Variants in SMAGP observed in about 807,000 individuals in gnomAD.
SMAGP encodes the protein small cell adhesion glycoprotein.
Under a neutral mutation model 10.1 loss-of-function variants are expected in SMAGP, and 7 were observed. The observed-to-expected ratio is 0.70, with a 90% CI of 0.40 to 1.31. The LOEUF (loss-of-function observed/expected upper bound fraction) is 1.31. Among genes scored for constraint, SMAGP ranks in the 50% most tolerant of loss-of-function variants. SMAGP has a pLI of 0.01. For missense variants in SMAGP, 113 were observed against 116.5 expected (o/e 0.97, Z 0.14); for synonymous variants, 49 against 47.2 (o/e 1.04, Z -0.16).
chr12:51,248,430 ACACACTCTCTCTCTCT>A (rs775723924), intron 2 of SMAGP, among the ~76,000 whole-genome samples: 21,192 of 89,010 alleles, frequency 0.24, 1,654 homozygotes, highest in Middle Eastern at 0.31. Flanking sequence ...ACACACACAC[ACACACTCTCTCTCTCT>A]CTCTCTCTCT....
chr12:51,252,111 C>T (rs1435155849), intron 2 of SMAGP, among the ~76,000 whole-genome samples: 50 of 117,216 alleles, frequency 4.3e-4, no homozygotes, highest in African/African-American at 5.2e-4. Flanking sequence ...TTTTTTTTTT[C>T]CAGACAGAGT....
intron 2 of SMAGP, among the ~76,000 whole-genome samples, chr12:51,264,649 A>AAAC (rs1205738638): frequency 6.7e-6 from 1 of 148,302 alleles, no homozygotes; most frequent in African/African-American, 2.5e-5. Flanking sequence ...AAAAAAAAAA[A>AAAC]GGTCAGGCAC....
At chr12:51,265,436 A>G (rs907511879) in intron 2 of SMAGP, among the ~76,000 whole-genome samples, 1 of 152,220 alleles carries the variant, frequency 6.6e-6, no homozygotes, top group Non-Finnish European at 1.5e-5. Flanking sequence ...TGGCAGCATC[A>G]GTCACAATAG....
chr12:51,256,447 C>T (rs910289063), intron 2 of SMAGP, among the ~76,000 whole-genome samples: 1 of 151,708 alleles, frequency 6.6e-6, no homozygotes, highest in South Asian at 2.1e-4. Flanking sequence ...ACAAGCCGGG[C>T]GCGGTGGCTC....
At position 51,244,820 on chromosome 12, in the gene SMAGP, C is replaced by CTTTTTTTTT. The variant is rs5798164; in HGVS notation, c.*1112_*1120dup. The CTTTTTTTTT allele has an allele frequency of 1.1e-5, 1 of 92,064 alleles. No homozygotes were observed. The highest frequency in any genetic ancestry group is 2.0e-5 in the Non-Finnish European group (1 of 50,372). 5.7% of individuals were successfully genotyped at this position (92,064 alleles called of 1,614,324 possible). A position where few individuals can be genotyped will look rare whatever the true frequency, so the allele number is the denominator to read the frequency against. ...TTGAACCAACTCATCTCCCAGGGTA[C>CTTTTTTTTT]TTTTTTTTTTTTTTTTTTTTTTGAG... On this transcript the variant is annotated 3_prime_UTR_variant, in exon 4 of 4. Coordinates refer to ENST00000603798, the MANE Select transcript of SMAGP (RefSeq NM_001031628.2).
intron 2 of SMAGP, among the ~76,000 whole-genome samples, chr12:51,256,855 T>C (rs1291971833): frequency 6.6e-6 from 1 of 151,722 alleles, no homozygotes; most frequent in Admixed American, 6.6e-5. Flanking sequence ...GACCATAGAC[T>C]GGGTGAGATC....
intron 3 of SMAGP, 23 bp from the exon 4 acceptor site, chr12:51,246,142 TAG>T (rs1193310933): frequency 6.2e-7 from 1 of 1,612,420 alleles, no homozygotes; most frequent in Non-Finnish European, 8.5e-7. Flanking sequence ...AGGGAAAATG[TAG>T]AGATGTTTCA....
chr12:51,256,464 G>A (rs1483465877), intron 2 of SMAGP, among the ~76,000 whole-genome samples: 1 of 152,146 alleles, frequency 6.6e-6, no homozygotes, highest in African/African-American at 2.4e-5. Flanking sequence ...GCTCACGCCA[G>A]TAATCCCAGC....
At chr12:51,260,345 G>C (rs1352192196) in intron 2 of SMAGP, among the ~76,000 whole-genome samples, 1 of 151,060 alleles carries the variant, frequency 6.6e-6, no homozygotes, top group African/African-American at 2.4e-5. Flanking sequence ...GTGTGCACCA[G>C]CACAGCCGGC....
chr12:51,263,825 G>A (rs894275828), intron 2 of SMAGP, among the ~76,000 whole-genome samples: 1 of 152,130 alleles, frequency 6.6e-6, no homozygotes, highest in African/African-American at 2.4e-5. Flanking sequence ...AAAGGCCCAT[G>A]AAAATGTTTT....
intron 2 of SMAGP, among the ~76,000 whole-genome samples, chr12:51,255,663 C>A (rs1304063725): frequency 6.6e-6 from 1 of 152,244 alleles, no homozygotes; most frequent in East Asian, 1.9e-4. Flanking sequence ...GAAAGGATCC[C>A]TCTGACTACA....
At chr12:51,250,850 T>G (rs1335356619) in intron 2 of SMAGP, among the ~76,000 whole-genome samples, 1 of 152,160 alleles carries the variant, frequency 6.6e-6, no homozygotes, top group Non-Finnish European at 1.5e-5. Flanking sequence ...AATGATGGCA[T>G]GTAACTTCTG....
chr12:51,250,352 T>C (rs1056884585), intron 2 of SMAGP, among the ~76,000 whole-genome samples: 3 of 152,114 alleles, frequency 2.0e-5, no homozygotes, highest in African/African-American at 7.2e-5. Context: ...ACTGAATTGT[T>C]GGGCAACAGA....
intron 2 of SMAGP, chr12:51,253,605 C>A (rs1478160219): frequency 6.6e-6 from 1 of 151,310 alleles, no homozygotes; most frequent in Non-Finnish European, 1.5e-5. Context: ...TAAAAAAAAA[C>A]AAAAAACAAA....
chr12:51,259,370 A>G (rs1457815581), intron 2 of SMAGP, among the ~76,000 whole-genome samples: 1 of 151,614 alleles, frequency 6.6e-6, no homozygotes, highest in African/African-American at 2.4e-5. Flanking sequence ...TGCCTGAACA[A>G]CACAAAGTGC....
chr12:51,244,873 G>A lies in SMAGP; in HGVS notation c.*1068C>T, dbSNP rs1288743256. ...GGAGTCTCACTCTGTTGCCCAGGCT[G>A]GAGTATAGTGGTGCAATCTCAGCTC... On this transcript the variant is annotated 3_prime_UTR_variant, in exon 4 of 4. Transcript: ENST00000603798. 1.5e-5 allele frequency: 2 copies of A among 132,424 alleles called. No individual in the cohort carries two copies. Among genetic ancestry groups the A allele is most frequent in the African/African-American group, 5.7e-5 (2 of 35,002 alleles). 8.2% of individuals were successfully genotyped at this position (132,424 alleles called of 1,614,324 possible). A position where few individuals can be genotyped will look rare whatever the true frequency, so the allele number is the denominator to read the frequency against.
chr12:51,258,674 C>T (rs761052439), intron 2 of SMAGP, among the ~76,000 whole-genome samples: 9 of 151,494 alleles, frequency 5.9e-5, no homozygotes, highest in Non-Finnish European at 1.3e-4. Flanking sequence ...GGCTATAAGG[C>T]CTAAGTGAGG....
rs181439440 is a variant in SMAGP at position 51,262,045 on chromosome 12, C to T, written c.34+7200G>A. On this transcript the variant is annotated intron_variant, in intron 2 of 3. Coordinates refer to ENST00000603798, the MANE Select transcript of SMAGP (RefSeq NM_001031628.2). ...TTGAGGCCAGAAGTTTGAGTCCAGC[C>T]TGGGCAACATAGCGAGACCCCTGTC... Among the ~76,000 whole-genome samples the T allele has an allele frequency of 2.0e-5, 3 of 150,266 alleles. No homozygotes were observed. The East Asian group carries it at 6.0e-4, about 30-fold the overall frequency.
intron 2 of SMAGP, among the ~76,000 whole-genome samples, chr12:51,264,627 TAAAAAAAA>T (rs576531152): frequency 2.0e-5 from 2 of 101,110 alleles, no homozygotes; most frequent in African/African-American, 7.6e-5. Flanking sequence ...TCCCATCTCT[TAAAAAAAA>T]AAAAAAAAAA....
Sources: allele counts gnomAD v4.1 joint callset (sites outside exome capture counted in the v4.1 genomes callset), GRCh38; gene constraint gnomAD v4.1.1; transcripts MANE v1.5; gene names NCBI Gene and HGNC (gene_info 2026-07-23, HGNC 2026-07-21).